Variants in CCSER2 observed in about 807,000 individuals in gnomAD.
The protein encoded by CCSER2 is serine-rich coiled-coil domain-containing protein 2.
CCSER2 carries 46 observed loss-of-function variants against 92.3 expected under a neutral mutation model. The ratio of observed to expected loss-of-function variants is 0.50; its 90% CI spans 0.39 to 0.64. The LOEUF is 0.64. Ranked by LOEUF, CCSER2 falls within the 30% of genes least tolerant of loss-of-function variation. The probability of loss-of-function intolerance (pLI) is 0.00; values close to 1 mark genes in which losing one functional copy is unlikely to be tolerated. For missense variants in CCSER2, 1,244 were observed against 1,238.9 expected, an observed-to-expected ratio of 1.00 and a Z score of -0.06; for synonymous variants, 433 against 431.4, an observed-to-expected ratio of 1.00 and a Z score of -0.04.
At chr10:84,424,230 G>A (rs1389592874) in intron 4 of CCSER2, among the ~76,000 whole-genome samples, 1 of 150,740 alleles carries the variant, frequency 6.6e-6, no homozygotes, top group Non-Finnish European at 1.5e-5. Flanking sequence ...TGACATTTTT[G>A]GACATAATGG....
chr10:84,330,115 C>T (rs1843478068), intron 1 of CCSER2, among the ~76,000 whole-genome samples: 1 of 152,162 alleles, frequency 6.6e-6, no homozygotes, highest in Non-Finnish European at 1.5e-5. Flanking sequence ...TGACTCAACT[C>T]CTTTGACTAT....
At chr10:84,382,073 G>A (rs1840945643) in intron 3 of CCSER2, among the ~76,000 whole-genome samples, 2 of 152,268 alleles carry the variant, frequency 1.3e-5, no homozygotes, top group Admixed American at 1.3e-4. Flanking sequence ...TGCCCCATGT[G>A]ACTTTTCCTT....
chr10:84,454,533 C>A (rs1018905187), intron 6 of CCSER2: 1 of 152,008 alleles, frequency 6.6e-6, no homozygotes, highest in Non-Finnish European at 1.5e-5. Flanking sequence ...TAAATAAATC[C>A]TCTCATAGGA....
intron 6 of CCSER2, among the ~76,000 whole-genome samples, chr10:84,456,471 A>G (rs10887298): frequency 0.36 from 54,243 of 151,988 alleles, 11,581 homozygotes; most frequent in East Asian, 0.5. Flanking sequence ...CAGTTTGCTT[A>G]TTCATTTACC....
chr10:84,418,008 A>G (rs1425475728), intron 4 of CCSER2, 147 bp downstream of exon 4: 1 of 496,694 alleles, frequency 2.0e-6, no homozygotes, highest in Non-Finnish European at 3.6e-6. Context: ...AAATAGGTTC[A>G]TTTGCAAACT....
At chr10:84,342,828 A>G (rs954725524) in intron 1 of CCSER2, among the ~76,000 whole-genome samples, 3 of 152,152 alleles carry the variant, frequency 2.0e-5, no homozygotes, top group Non-Finnish European at 4.4e-5. Context: ...CATCATGCCC[A>G]TGTTCTTGAA....
chr10:84,506,454 A>T (rs1849048413), intron 9 of CCSER2, among the ~76,000 whole-genome samples: 1 of 152,178 alleles, frequency 6.6e-6, no homozygotes, highest in Non-Finnish European at 1.5e-5. Flanking sequence ...AATTTGCATC[A>T]TATTCAGGTT....
intron 3 of CCSER2, among the ~76,000 whole-genome samples, chr10:84,399,648 G>A (rs1398349172): frequency 6.6e-6 from 1 of 151,974 alleles, no homozygotes; most frequent in East Asian, 1.9e-4. Context: ...TCTGGAAAAT[G>A]TTCATATTTA....
At chr10:84,463,686 A>G (rs923718932) in intron 6 of CCSER2, among the ~76,000 whole-genome samples, 2 of 152,190 alleles carry the variant, frequency 1.3e-5, no homozygotes, top group African/African-American at 2.4e-5. Flanking sequence ...AGCCGCTTAT[A>G]TAGTATCCGT....
chr10:84,465,253 G>A (rs1392943456), intron 7 of CCSER2, among the ~76,000 whole-genome samples: 527 of 38,140 alleles, frequency 0.014, 2 homozygotes, highest in Middle Eastern at 0.073. Flanking sequence ...GTGTGTGTGT[G>A]TGTGTGTGTG....
intron 5 of CCSER2, among the ~76,000 whole-genome samples, chr10:84,434,330 C>T (rs1239510073): frequency 1.3e-5 from 2 of 152,170 alleles, no homozygotes; most frequent in Non-Finnish European, 2.9e-5. Flanking sequence ...TTCCCGCTCC[C>T]TCCTATCTTC....
intron 1 of CCSER2, among the ~76,000 whole-genome samples, chr10:84,346,703 CT>C (rs1844497744): frequency 6.6e-6 from 1 of 151,446 alleles, no homozygotes; most frequent in African/African-American, 2.4e-5. Context: ...GCACATGCTA[CT>C]TCATGGGAGA....
intron 6 of CCSER2, chr10:84,455,817 A>T (rs1387213279): frequency 5.3e-6 from 5 of 945,492 alleles, no homozygotes; most frequent in Non-Finnish European, 8.6e-6. Flanking sequence ...GACTGATCCC[A>T]TCCATAATTA....
intron 3 of CCSER2, among the ~76,000 whole-genome samples, chr10:84,383,923 A>G (rs1172621128): frequency 2.6e-5 from 4 of 152,214 alleles, no homozygotes; most frequent in African/African-American, 2.4e-5. Context: ...AAGAGGAAAG[A>G]TTCAAATAAG....
chr10:84,335,532 C>T (rs760700665), intron 1 of CCSER2, among the ~76,000 whole-genome samples: 127 of 152,104 alleles, frequency 8.3e-4, no homozygotes, highest in Admixed American at 2.9e-3. Context: ...GTGTGAGCCA[C>T]CACAACTGGC....
At chr10:84,489,812 T>C (rs1318896759) in intron 9 of CCSER2, among the ~76,000 whole-genome samples, 1 of 152,246 alleles carries the variant, frequency 6.6e-6, no homozygotes, top group Non-Finnish European at 1.5e-5. Flanking sequence ...TGCTCGTTAG[T>C]TGATGCAGTT....
intron 6 of CCSER2, among the ~76,000 whole-genome samples, chr10:84,457,329 A>G (rs186870192): frequency 7.5e-5 from 4 of 53,134 alleles, no homozygotes; most frequent in African/African-American, 2.4e-4. Context: ...TATTATATAT[A>G]ATATATTATA....
intron 5 of CCSER2, among the ~76,000 whole-genome samples, chr10:84,432,484 ATAAG>A (rs1843835279): frequency 6.6e-6 from 1 of 152,196 alleles, no homozygotes; most frequent in Non-Finnish European, 1.5e-5. Context: ...GCTCCCACTT[ATAAG>A]TGAGAACATG....
intron 3 of CCSER2, among the ~76,000 whole-genome samples, chr10:84,376,815 A>G (rs917862006): frequency 1.3e-5 from 2 of 152,102 alleles, no homozygotes; most frequent in Non-Finnish European, 1.5e-5. Context: ...GTAAATGAAC[A>G]TTCCGGAAAA....
Sources: allele counts gnomAD v4.1 joint callset (sites outside exome capture counted in the v4.1 genomes callset), GRCh38; gene constraint gnomAD v4.1.1; transcripts MANE v1.5; gene names NCBI Gene and HGNC (gene_info 2026-07-23, HGNC 2026-07-21).